The following DLC1 variants were observed in gnomAD, a reference collection of about 807,000 sequenced individuals.
The protein encoded by DLC1 is DLC1 Rho GTPase activating protein.
In DLC1, 54 loss-of-function variants were observed where a neutral mutation model predicts 140.3. The ratio of observed to expected loss-of-function variants is 0.38; its 90% CI spans 0.31 to 0.48. DLC1 has a LOEUF of 0.48. Ranked by LOEUF, DLC1 falls within the 20% of genes least tolerant of loss-of-function variation. DLC1 has a pLI of 0.96. For missense variants in DLC1, 2,536 were observed against 1,907.0 expected (o/e 1.33, Z -6.14); for synonymous variants, 986 against 728.1 (o/e 1.35, Z -5.70).
At chr8:13,227,183 T>C (rs1266894883) in intron 5 of DLC1, among the ~76,000 whole-genome samples, 1 of 152,180 alleles carries the variant, frequency 6.6e-6, no homozygotes, top group Non-Finnish European at 1.5e-5. Context: ...TTAGTGATAA[T>C]TGTTATTAGT....
intron 1 of DLC1, among the ~76,000 whole-genome samples, chr8:13,588,401 T>C (rs1805403904): frequency 6.6e-6 from 1 of 152,070 alleles, no homozygotes; most frequent in Non-Finnish European, 1.5e-5. Context: ...GGTGAATATA[T>C]TCATTCCACA....
At position 13,100,647 on chromosome 8, in the gene DLC1, G is replaced by A; in HGVS notation, c.1690C>T (p.Pro564Ser). 1 of 1,614,142 alleles carries A rather than the reference G, an allele frequency of 6.2e-7. No individual in the cohort carries two copies. Among genetic ancestry groups the A allele is most frequent in the Non-Finnish European group, 8.5e-7 (1 of 1,180,020 alleles). ...DVFSPKQDLV[P>S]GSPDDSHPKD... ...GGGTGGGAGTCGTCTGGGGACCCAG[G>A]GACCAGGTCTTGTTTTGGAGAAAAG... Residue 564 changes from proline (P) to serine (S), a missense_variant, in exon 9 of 18, where the codon CCT becomes TCT. Physicochemically the swap from Pro to Ser is moderately conservative, Grantham distance 74. Transcript: ENST00000276297.
intron 2 of DLC1, among the ~76,000 whole-genome samples, chr8:13,430,477 T>G (rs1258285840): frequency 6.6e-6 from 1 of 152,234 alleles, no homozygotes. Flanking sequence ...GATTACATAT[T>G]AGAGTCCAAG....
intron 1 of DLC1, chr8:13,567,407 C>T: frequency 1.9e-6 from 3 of 1,551,708 alleles, no homozygotes; most frequent in Non-Finnish European, 2.6e-6. Context: ...AGAGGGGATT[C>T]TAAGAAGAAG....
intron 1 of DLC1, among the ~76,000 whole-genome samples, chr8:13,601,910 G>A (rs1303326968): frequency 2.0e-5 from 3 of 151,668 alleles, no homozygotes; most frequent in Non-Finnish European, 3.0e-5. Flanking sequence ...TTGTTTTAAT[G>A]TGTCCACTAT....
intron 4 of DLC1, among the ~76,000 whole-genome samples, chr8:13,336,784 T>G (rs1458138519): frequency 1.3e-5 from 2 of 152,214 alleles, no homozygotes; most frequent in African/African-American, 4.8e-5. Flanking sequence ...GTACATAATA[T>G]ATTAATAGTA....
chr8:13,256,408 A>G (rs1830228483), intron 5 of DLC1, among the ~76,000 whole-genome samples: 1 of 152,234 alleles, frequency 6.6e-6, no homozygotes, highest in Non-Finnish European at 1.5e-5. Context: ...TCTACTATAA[A>G]GACACACGCA....
intron 5 of DLC1, among the ~76,000 whole-genome samples, chr8:13,210,197 A>G (rs1375134363): frequency 6.6e-6 from 1 of 152,202 alleles, no homozygotes; most frequent in African/African-American, 2.4e-5. Context: ...ATTTTTTTAA[A>G]ATAGCTAACA....
chr8:13,326,927 G>A (rs1051825908), intron 4 of DLC1, among the ~76,000 whole-genome samples: 1 of 152,032 alleles, frequency 6.6e-6, no homozygotes, highest in Non-Finnish European at 1.5e-5. Context: ...TAGAAACAGA[G>A]ACCACTTGCA....
chr8:13,564,907 C>T (rs553025670), intron 1 of DLC1, among the ~76,000 whole-genome samples: 3 of 152,150 alleles, frequency 2.0e-5, no homozygotes, highest in Admixed American at 6.5e-5. Flanking sequence ...CTCCCAATCC[C>T]CACCACAAGC....
At chr8:13,326,495 G>T (rs1323018454) in intron 4 of DLC1, among the ~76,000 whole-genome samples, 1 of 152,148 alleles carries the variant, frequency 6.6e-6, no homozygotes, top group Non-Finnish European at 1.5e-5. Flanking sequence ...CCCAAAAGCT[G>T]CCTACTACTT....
intron 4 of DLC1, among the ~76,000 whole-genome samples, chr8:13,359,879 A>G (rs1312841065): frequency 6.6e-6 from 1 of 152,224 alleles, no homozygotes; most frequent in African/African-American, 2.4e-5. Context: ...TCAGGCCATT[A>G]TGGAATGAAA....
At chr8:13,435,134 G>A (rs1364479340) in intron 2 of DLC1, among the ~76,000 whole-genome samples, 1 of 152,136 alleles carries the variant, frequency 6.6e-6, no homozygotes, top group Non-Finnish European at 1.5e-5. Flanking sequence ...CATGGAAGGA[G>A]GTAAAAATAT....
At chr8:13,362,110 G>A (rs1835255994) in intron 4 of DLC1, among the ~76,000 whole-genome samples, 1 of 152,228 alleles carries the variant, frequency 6.6e-6, no homozygotes, top group Non-Finnish European at 1.5e-5. Context: ...GGGAGCAGTG[G>A]CTTAATTGGA....
Position 13,548,800 on chromosome 8 carries a change from T to C in DLC1, c.-125-48604A>G, listed in dbSNP as rs74965765. On this transcript the variant is annotated intron_variant, in intron 1 of 1. Transcript: ENST00000631382. ...ATCAAGCTTATTTGGGTTGGTATTATTGTTGATTAATTTCTTAGCTGAGCC... is the reference window on the plus strand; with the variant it reads ...ATCAAGCTTATTTGGGTTGGTATTACTGTTGATTAATTTCTTAGCTGAGCC... Among the ~76,000 whole-genome samples, 349 of 152,184 alleles carry C rather than the reference T, an allele frequency of 2.3e-3. 7 individuals carry two copies. Among genetic ancestry groups the C allele is most frequent in the East Asian group, 0.02 (102 of 5,174 alleles).
intron 2 of DLC1, among the ~76,000 whole-genome samples, chr8:13,416,170 C>T (rs1048337655): frequency 6.6e-6 from 1 of 152,148 alleles, no homozygotes; most frequent in African/African-American, 2.4e-5. Context: ...GGACTTATCA[C>T]TTTGGTCCTG....
At chr8:13,279,188 C>G (rs769455622) in intron 5 of DLC1, among the ~76,000 whole-genome samples, 6 of 152,114 alleles carry the variant, frequency 3.9e-5, no homozygotes, top group Admixed American at 6.6e-5. Flanking sequence ...GAGGTGATCC[C>G]GACTATGGAA....
chr8:13,479,846 AG>A (rs1800620636), intron 2 of DLC1, among the ~76,000 whole-genome samples: 1 of 92,914 alleles, frequency 1.1e-5, no homozygotes, highest in Non-Finnish European at 2.3e-5. Flanking sequence ...AAGAAGAAGA[AG>A]AAGAAGAAGA....
chr8:13,257,442 A>G (rs79418700), intron 5 of DLC1, among the ~76,000 whole-genome samples: 1 of 144,718 alleles, frequency 6.9e-6, no homozygotes, highest in Non-Finnish European at 1.5e-5. Context: ...GTCTCAGGAA[A>G]AAAAAAAAAA....
Sources: gnomAD v4.1 joint callset for allele counts (sites outside exome capture counted in the v4.1 genomes callset) on GRCh38, gnomAD v4.1.1 for gene constraint, MANE v1.5 for transcripts, NCBI Gene and HGNC (gene_info 2026-07-23, HGNC 2026-07-21) for gene names.